SLC12A7: variants seen among roughly 807,000 people sequenced by gnomAD.
SLC12A7 encodes solute carrier family 12 member 7.
In SLC12A7, 100 loss-of-function variants were observed where a neutral mutation model predicts 120.6. The ratio of observed to expected loss-of-function variants is 0.83; its 90% CI spans 0.71 to 0.98. The LOEUF is 0.98. SLC12A7 is among the 50% of genes least tolerant of loss of function. The pLI, the probability that SLC12A7 is intolerant of heterozygous loss-of-function variation, is 0.00. For missense variants in SLC12A7, 1,373 were observed against 1,548.1 expected (o/e 0.89, Z 1.90); for synonymous variants, 760 against 678.0 (o/e 1.12, Z -1.88).
chr5:1,093,388 C>T (rs1163666548), intron 3 of SLC12A7, 145 bp downstream of exon 3: 3 of 816,716 alleles, frequency 3.7e-6, no homozygotes, highest in Non-Finnish European at 5.8e-6. Context: ...ACCATCGAGC[C>T]CTCCCAGGAA....
chr5:1,149,312 C>G, the SLC12A7 span, among the ~76,000 whole-genome samples: 1 of 152,240 alleles, frequency 6.6e-6, no homozygotes, highest in Non-Finnish European at 1.5e-5. Flanking sequence ...CGCGGCGGCT[C>G]ACACCTGTAA....
intron 15 of SLC12A7, 38 bp from the exon 16 acceptor site, chr5:1,074,709 C>G (rs1398417012): frequency 1.3e-6 from 2 of 1,578,702 alleles, no homozygotes; most frequent in East Asian, 2.2e-5. Context: ...CAGCCGCGTA[C>G]CTGGAGGCTC....
intron 1 of SLC12A7, 151 bp from the exon 2 acceptor site, chr5:1,094,399 T>A: frequency 1.5e-6 from 1 of 659,712 alleles, no homozygotes; most frequent in Non-Finnish European, 2.7e-6. Context: ...CACACTCTCC[T>A]TCCTTCCACA....
At chr5:1,133,370 C>G in the SLC12A7 span, among the ~76,000 whole-genome samples, 3 of 152,222 alleles carry the variant, frequency 2.0e-5, no homozygotes, top group East Asian at 5.8e-4. Flanking sequence ...TCCCGTCAGC[C>G]CCACCTCCTC....
the SLC12A7 span, among the ~76,000 whole-genome samples, chr5:1,133,206 G>A: frequency 3.3e-5 from 5 of 152,172 alleles, no homozygotes; most frequent in Admixed American, 6.5e-5. Flanking sequence ...ATGAGCCACC[G>A]CACCCAGCTG....
chr5:1,111,887 C>A lies in SLC12A7; in HGVS notation c.105G>T (p.Glu35Asp). The A allele has an allele frequency of 8.1e-7, 1 of 1,229,916 alleles. No individual in the cohort carries two copies. The highest frequency in any genetic ancestry group is 1.0e-6 in the Non-Finnish European group (1 of 984,980). The allele number at this position is 1,229,916 out of a possible 1,614,324, so 76.2% of individuals were successfully genotyped here. ...GCTCACCCGGGCTGGGGCGCTCGGGCTCGGGGCCCTCGGGGGTGCCCGGAG... is the reference window on the plus strand; with the variant it reads ...GCTCACCCGGGCTGGGGCGCTCGGGATCGGGGCCCTCGGGGGTGCCCGGAG... Reference protein sequence around the residue: ...TEAPGTPEGPEPERPSPGDGN... With the variant: ...TEAPGTPEGPDPERPSPGDGN... The change falls in exon 1 of 24, where the codon GAG becomes GAT. Residue 35 changes from glutamate to aspartate, a missense_variant. Physicochemically the swap from Glu to Asp is conservative, Grantham distance 45. Transcript: ENST00000264930.
chr5:1,061,462 A>C (rs192395222), intron 20 of SLC12A7, among the ~76,000 whole-genome samples: 10,419 of 30,390 alleles, frequency 0.34, 556 homozygotes, highest in Non-Finnish European at 0.45. Flanking sequence ...GGGATCCCTG[A>C]GTCTCACCCG....
At chr5:1,133,458 AGGTGGGGG>A in the SLC12A7 span, among the ~76,000 whole-genome samples, 1 of 152,198 alleles carries the variant, frequency 6.6e-6, no homozygotes, top group Admixed American at 6.5e-5. Context: ...GGGCTGGGTG[AGGTGGGGG>A]CAGAGCCATG....
Position 1,092,666 on chromosome 5 carries a change from G to T in SLC12A7, c.342+867C>A, listed in dbSNP as rs371619934. Among the ~76,000 whole-genome samples, 183 of 152,312 alleles carry T rather than the reference G, an allele frequency of 1.2e-3. 6 individuals are homozygous for T. The South Asian group carries it at 0.037, about 31-fold the overall frequency. On this transcript the variant is annotated intron_variant, in intron 3 of 23. Coordinates refer to ENST00000264930, the MANE Select transcript of SLC12A7 (RefSeq NM_006598.3). Reference sequence around the variant, plus strand: ...GAAATGACAATTTTGTGTCAAGACTGGGGGAGGCCGTCGCCCGGCTTCAGA... The same window carrying T: ...GAAATGACAATTTTGTGTCAAGACTTGGGGAGGCCGTCGCCCGGCTTCAGA...
At chr5:1,135,472 T>C in the SLC12A7 span, among the ~76,000 whole-genome samples, 2 of 152,186 alleles carry the variant, frequency 1.3e-5, no homozygotes, top group African/African-American at 4.8e-5. Context: ...CTGTGGGTGA[T>C]GTCACCTGCG....
intron 20 of SLC12A7, among the ~76,000 whole-genome samples, chr5:1,062,675 G>C (rs1736419593): frequency 1.5e-5 from 1 of 68,172 alleles, no homozygotes; most frequent in South Asian, 6.0e-4. Context: ...ACCCAGGGCT[G>C]GGGGGCTGGG....
chr5:1,153,901 A>T, the SLC12A7 span, among the ~76,000 whole-genome samples: 1 of 152,134 alleles, frequency 6.6e-6, no homozygotes, highest in Non-Finnish European at 1.5e-5. Context: ...AGACCACAGC[A>T]TCCTGTATCA....
chr5:1,108,756 G>A (rs908946151), intron 1 of SLC12A7, among the ~76,000 whole-genome samples: 2 of 152,356 alleles, frequency 1.3e-5, no homozygotes, highest in South Asian at 2.1e-4. Flanking sequence ...CCCGACAGGC[G>A]AGGACGGCCC....
rs984579364 is a variant in SLC12A7, at chr5:1,065,403, C to T, written c.2317G>A (p.Gly773Ser). The T allele has an allele frequency of 6.2e-7, 1 of 1,612,634 alleles. No individual in the cohort carries two copies. Among genetic ancestry groups the T allele is most frequent in the Non-Finnish European group, 8.5e-7 (1 of 1,179,626 alleles). ...QLVVSSSLRD[G>S]MSHLIQSAGL... ...GCCGACTGGATCAGGTGGGACATGC[C>T]ATCCCGCAGGCTGGACGAGACCACC... The change falls in exon 18 of 24, where the codon GGC becomes AGC. Residue 773 changes from glycine to serine, a missense_variant. By Grantham distance (56) the Gly-to-Ser change is moderately conservative. Transcript: ENST00000264930.
At chr5:1,123,123 G>A in the SLC12A7 span, among the ~76,000 whole-genome samples, 53 of 152,336 alleles carry the variant, frequency 3.5e-4, no homozygotes, top group African/African-American at 7.2e-4. Flanking sequence ...AGCAGGGCAC[G>A]CTCGGGCTCC....
At chr5:1,146,204 C>T in the SLC12A7 span, among the ~76,000 whole-genome samples, 11 of 152,222 alleles carry the variant, frequency 7.2e-5, no homozygotes, top group South Asian at 2.1e-4. The surrounding 1 kb of genome is among the most constrained non-coding windows in gnomAD (Gnocchi z 6.5). Context: ...TCCCTGGTCA[C>T]CCACCTTCTT....
At chr5:1,079,079 C>A (rs918217417) in intron 10 of SLC12A7, among the ~76,000 whole-genome samples, 3 of 152,138 alleles carry the variant, frequency 2.0e-5, no homozygotes, top group Non-Finnish European at 4.4e-5. Context: ...AAAGAGGCAG[C>A]CTTGGGATTG....
chr5:1,140,940 G>C, the SLC12A7 span, among the ~76,000 whole-genome samples: 1 of 152,242 alleles, frequency 6.6e-6, no homozygotes, highest in African/African-American at 2.4e-5. Flanking sequence ...CAGCCAAGGT[G>C]GGCAAGCTGG....
chr5:1,143,234 C>A, the SLC12A7 span, among the ~76,000 whole-genome samples: 1 of 152,234 alleles, frequency 6.6e-6, no homozygotes, highest in Non-Finnish European at 1.5e-5. Flanking sequence ...CCAGTCCTGT[C>A]GGATAAGGGG....
Sources: gnomAD v4.1 joint callset for allele counts (sites outside exome capture counted in the v4.1 genomes callset) on GRCh38, gnomAD v4.1.1 for gene constraint, Gnocchi (gnomAD v3.1) non-coding constraint, MANE v1.5 for transcripts, NCBI Gene and HGNC (gene_info 2026-07-23, HGNC 2026-07-21) for gene names.